RASSF3: variants seen among roughly 807,000 people sequenced by gnomAD.
RASSF3 encodes the protein Ras association domain family member 3.
A neutral mutation model predicts 19.9 loss-of-function variants in RASSF3; 19 were observed. That is an observed-to-expected ratio of 0.96 (90% CI 0.67 to 1.40). The LOEUF (loss-of-function observed/expected upper bound fraction) is 1.40. Ranked by LOEUF, RASSF3 falls within the 40% of genes most tolerant of loss-of-function variation. The pLI is 0.00. For missense variants in RASSF3, 306 were observed against 289.8 expected (o/e 1.06, Z -0.41); for synonymous variants, 110 against 104.2 (o/e 1.06, Z -0.34).
At chr12:64,563,096 T>C (rs1453842892) in intron 2 of RASSF3, among the ~76,000 whole-genome samples, 1 of 152,202 alleles carries the variant, frequency 6.6e-6, no homozygotes, top group Non-Finnish European at 1.5e-5. Context: ...CCTATCTTTG[T>C]TCTCTGCTTC....
rs1868375696 is a variant in RASSF3, at chr12:64,696,640, TCTGA to T, written c.*1731_*1734del. The T allele has an allele frequency of 6.6e-6, 1 of 152,244 alleles. No individual in the cohort carries two copies. Among genetic ancestry groups the T allele is most frequent in the Admixed American group, 6.5e-5 (1 of 15,278 alleles). The allele number at this position is 152,244 out of a possible 1,614,324, so 9.4% of individuals were successfully genotyped here. A position where few individuals can be genotyped will look rare whatever the true frequency, so the allele number is the denominator to read the frequency against. On this transcript the variant is annotated 3_prime_UTR_variant, in exon 5 of 5. Coordinates refer to ENST00000542104, the MANE Select transcript of RASSF3 (RefSeq NM_178169.4). The stretch of plus-strand genomic sequence containing the variant: ...TTTCTGTTCGTCTCTTGGTGGCTCT[TCTGA>T]CTTTTTGGAGAATACCCATCTTGTT...
chr12:64,587,651 C>T (rs1230926580), intron 2 of RASSF3, among the ~76,000 whole-genome samples: 1 of 152,196 alleles, frequency 6.6e-6, no homozygotes, highest in Non-Finnish European at 1.5e-5. Context: ...AGGTCAGGGA[C>T]ATATGCATCC....
At chr12:64,558,560 G>A (rs774129012) in intron 2 of RASSF3, among the ~76,000 whole-genome samples, 2 of 152,124 alleles carry the variant, frequency 1.3e-5, no homozygotes, top group African/African-American at 2.4e-5. Flanking sequence ...ATCAGAGCCC[G>A]GTAAAATGTG....
rs373262805 is a variant in RASSF3, at chr12:64,679,906, C to T, written c.112-4881C>T. Among the ~76,000 whole-genome samples the T allele has an allele frequency of 3.3e-4, 50 of 152,342 alleles. 1 individual carries two copies. Among genetic ancestry groups the T allele is most frequent in the African/African-American group, 9.9e-4 (41 of 41,586 alleles). ...TGGCTGCCAAGAACAATAACTGACACATTATCCACAGACGGCTGCGCCCCA... is the reference window on the plus strand; with the variant it reads ...TGGCTGCCAAGAACAATAACTGACATATTATCCACAGACGGCTGCGCCCCA... On this transcript the variant is annotated intron_variant, in intron 1 of 4. Coordinates refer to ENST00000542104, the MANE Select transcript of RASSF3 (RefSeq NM_178169.4).
At chr12:64,521,721 TG>T (rs1868483801) in intron 1 of RASSF3, among the ~76,000 whole-genome samples, 1 of 152,204 alleles carries the variant, frequency 6.6e-6, no homozygotes, top group African/African-American at 2.4e-5. Context: ...GCTCTATGTC[TG>T]TATTCTACAC....
chr12:64,605,865 T>C (rs7297369), upstream of RASSF3, among the ~76,000 whole-genome samples: 845 of 85,946 alleles, frequency 9.8e-3, 8 homozygotes, highest in African/African-American at 0.037. Flanking sequence ...TCCAGCCTGG[T>C]AAAAAGAGCG....
rs1407298347 is a variant in RASSF3 at position 64,696,078 on chromosome 12, GTTC to G, written c.*1169_*1171del. The G allele has an allele frequency of 2.8e-5, 1 of 35,730 alleles. No individual in the cohort carries two copies. Among genetic ancestry groups the G allele is most frequent in the Non-Finnish European group, 6.9e-5 (1 of 14,484 alleles). The allele number at this position is 35,730 out of a possible 1,614,324, so 2.2% of individuals were successfully genotyped here. A position where few individuals can be genotyped will look rare whatever the true frequency, so the allele number is the denominator to read the frequency against. On this transcript the variant is annotated 3_prime_UTR_variant, in exon 5 of 5. Transcript: ENST00000542104. ...TCCCTGCTGTCTCCCACCCTACCTT[GTTC>G]TTTTCCTCCCTCCCTCCCTCCCTCC... is the stretch of plus-strand genomic sequence containing the variant.
At chr12:64,638,394 T>TA (rs1871396435) in intron 1 of RASSF3, among the ~76,000 whole-genome samples, 2 of 151,814 alleles carry the variant, frequency 1.3e-5, no homozygotes, top group Non-Finnish European at 2.9e-5. Context: ...TCCTGGCTAA[T>TA]ACGGTGAAAC....
chr12:64,560,409 A>G (rs111610244), intron 2 of RASSF3, among the ~76,000 whole-genome samples: 2 of 152,170 alleles, frequency 1.3e-5, no homozygotes, highest in African/African-American at 4.8e-5. Context: ...TGGGATGTCA[A>G]TACAACTTAG....
chr12:64,599,323 C>T (rs576855704), intron 2 of RASSF3: 2 of 152,242 alleles, frequency 1.3e-5, no homozygotes, highest in Non-Finnish European at 2.9e-5. Context: ...GGATAGATGG[C>T]TAAAAGCCCT....
At chr12:64,623,073 G>A (rs916254399) in intron 1 of RASSF3, among the ~76,000 whole-genome samples, 2 of 151,908 alleles carry the variant, frequency 1.3e-5, no homozygotes, top group East Asian at 3.8e-4. Flanking sequence ...CGCCTGCCTC[G>A]GCCTCCCTGA....
downstream of RASSF3, among the ~76,000 whole-genome samples, chr12:64,545,544 A>G (rs959417163): frequency 6.6e-6 from 1 of 152,200 alleles, no homozygotes; most frequent in Non-Finnish European, 1.5e-5. Flanking sequence ...GATTTGATAG[A>G]CGGGTTTATA....
chr12:64,541,800 A>G, downstream of RASSF3: 2 of 396,536 alleles, frequency 5.0e-6, no homozygotes, highest in East Asian at 7.2e-5. Flanking sequence ...TGGCTTACGT[A>G]TGTATCTTCA....
chr12:64,618,626 C>CTTTTGTTTTTGT (rs570087968), intron 1 of RASSF3, among the ~76,000 whole-genome samples: 2 of 151,906 alleles, frequency 1.3e-5, no homozygotes, highest in East Asian at 1.9e-4. Flanking sequence ...CACGCCCGGC[C>CTTTTGTTTTTGT]TTTTGTTTTT....
upstream of RASSF3, among the ~76,000 whole-genome samples, chr12:64,606,653 A>G (rs1428915684): frequency 6.6e-6 from 1 of 152,094 alleles, no homozygotes; most frequent in African/African-American, 2.4e-5. Flanking sequence ...TGTCTCTACT[A>G]AAAATACAAA....
In RASSF3 at chr12:64,695,644, A is replaced by G. The variant is rs75606969; in HGVS notation, c.*732A>G. 4,121 of 152,338 alleles carry G rather than the reference A, an allele frequency of 0.027. 78 individuals carry two copies. The highest frequency in any genetic ancestry group is 0.038 in the Non-Finnish European group (2,616 of 68,124). The allele number at this position is 152,338 out of a possible 1,614,324, so 9.4% of individuals were successfully genotyped here. On this transcript the variant is annotated 3_prime_UTR_variant, in exon 5 of 5. Coordinates refer to ENST00000542104, the MANE Select transcript of RASSF3 (RefSeq NM_178169.4). ...GATCGCTTGGTTTCCTGGTGGGTAG[A>G]ATATGGGAACAGAGCCAGAGGCAGG...
chr12:64,650,363 C>T (rs1323092945), intron 1 of RASSF3, among the ~76,000 whole-genome samples: 1 of 151,022 alleles, frequency 6.6e-6, no homozygotes, highest in Non-Finnish European at 1.5e-5. Context: ...CAGTGATGAC[C>T]TCAGTGATAG....
chr12:64,601,443 G>A (rs1238735337), intron 2 of RASSF3, among the ~76,000 whole-genome samples: 2 of 152,096 alleles, frequency 1.3e-5, no homozygotes, highest in African/African-American at 2.4e-5. Context: ...CTGCTCTAAC[G>A]CCATCATCTA....
chr12:64,636,892 A>G (rs1871346500), intron 1 of RASSF3, among the ~76,000 whole-genome samples: 1 of 151,230 alleles, frequency 6.6e-6, no homozygotes, highest in African/African-American at 2.4e-5. Context: ...AAAGTAAGTT[A>G]CACACACCCT....
Sources: gnomAD v4.1 joint callset for allele counts (sites outside exome capture counted in the v4.1 genomes callset) on GRCh38, gnomAD v4.1.1 for gene constraint, MANE v1.5 for transcripts, NCBI Gene and HGNC (gene_info 2026-07-23, HGNC 2026-07-21) for gene names.